Variants in ADSS1 observed in about 807,000 individuals in gnomAD.
ADSS1 encodes adenylosuccinate synthetase isozyme 1.
Under a neutral mutation model 59.1 loss-of-function variants are expected in ADSS1, and 57 were observed. The observed-to-expected ratio is 0.97, with a 90% CI of 0.78 to 1.20. The LOEUF is 1.20. ADSS1 is among the 50% of genes most tolerant of loss of function. ADSS1 has a pLI of 0.00. For synonymous variants in ADSS1, 247 were observed against 249.4 expected (o/e 0.99, Z 0.09); for missense variants, 603 against 610.3 (o/e 0.99, Z 0.13).
chr14:104,741,199 T>C lies in ADSS1; in HGVS notation c.749T>C (p.Ile250Thr). The C allele has an allele frequency of 6.2e-7, 1 of 1,611,596 alleles. No homozygotes were observed. The highest frequency in any genetic ancestry group is 8.5e-7 in the Non-Finnish European group (1 of 1,178,920). ...YEALHGPPKK[I>T]LVEGANAALL... Reference sequence around the variant, plus strand: ...GCACTCCACGGCCCCCCCAAGAAGATCCTGGTGGAGGGTGCCAACGCCGCC... The same window carrying C: ...GCACTCCACGGCCCCCCCAAGAAGACCCTGGTGGAGGGTGCCAACGCCGCC... Residue 250 changes from isoleucine (I) to threonine (T), a missense_variant, in exon 8 of 13, where the codon ATC (isoleucine) becomes ACC (threonine). Coordinates refer to ENST00000330877, the MANE Select transcript of ADSS1 (RefSeq NM_152328.5).
Position 104,735,035 on chromosome 14 carries a change from G to A in ADSS1, c.208G>A (p.Gly70Ser), listed in dbSNP as rs778086673. 11 of 1,613,054 alleles carry A rather than the reference G, an allele frequency of 6.8e-6. No homozygotes were observed. The highest frequency in any genetic ancestry group is 2.2e-5 in the East Asian group (1 of 44,826). The change falls in exon 2 of 13, where the codon GGC (glycine) becomes AGC (serine). Residue 70 changes from glycine (G) to serine (S), a missense_variant. By Grantham distance (56) the Gly-to-Ser change is moderately conservative. Transcript: ENST00000330877. The stretch of plus-strand genomic sequence containing the variant: ...TCTGTTCCAGGGGGGCAACAACGCC[G>A]GCCACACGGTGGTGGTGGATGGGAA... Reference protein sequence around the residue: ...ISRCQGGNNAGHTVVVDGKEY... With the variant: ...ISRCQGGNNASHTVVVDGKEY...
intron 9 of ADSS1, 57 bp downstream of exon 9, chr14:104,742,059 C>A: frequency 6.3e-7 from 1 of 1,595,286 alleles, no homozygotes; most frequent in Non-Finnish European, 8.5e-7. Context: ...GGCAGGGGTG[C>A]CGGGGGTGGG....
chr14:104,724,508 C>T (rs767210336), intron 1 of ADSS1, 46 bp downstream of exon 1: 4 of 1,227,840 alleles, frequency 3.3e-6, no homozygotes, highest in Non-Finnish European at 3.0e-6. Flanking sequence ...CCAGCGAGCC[C>T]CCCTCCCCCG....
At chr14:104,724,850 C>A (rs1890674372) in intron 1 of ADSS1, among the ~76,000 whole-genome samples, 1 of 152,210 alleles carries the variant, frequency 6.6e-6, no homozygotes, top group South Asian at 2.1e-4. Flanking sequence ...AAGACACCCC[C>A]CTTCCTCATT....
rs182475929 is a variant in ADSS1, at chr14:104,744,478, G to A, written c.1074-334G>A. 6.7e-4 allele frequency: 156 copies of A among 231,114 alleles called. 1 individual carries two copies. The highest frequency in any genetic ancestry group is 3.2e-3 in the African/African-American group (141 of 44,352). 14.3% of individuals were successfully genotyped at this position (231,114 alleles called of 1,614,324 possible). On this transcript the variant is annotated intron_variant, in intron 10 of 12. Coordinates refer to ENST00000330877, the MANE Select transcript of ADSS1 (RefSeq NM_152328.5). ...CAGGGGTGTGGCGGCGGATGGTTTCGGGATGAAACTGTCCCACCTCTGATC... is the reference window on the plus strand; with the variant it reads ...CAGGGGTGTGGCGGCGGATGGTTTCAGGATGAAACTGTCCCACCTCTGATC...
chr14:104,739,624 C>T, intron 4 of ADSS1, 126 bp from the exon 5 acceptor site: 6 of 1,132,268 alleles, frequency 5.3e-6, no homozygotes, highest in Non-Finnish European at 7.7e-6. Context: ...CCAGTTTGTC[C>T]TCTTTGAAAT....
In ADSS1 at chr14:104,735,078, T is replaced by C. The variant is rs764178731; in HGVS notation, c.251T>C (p.Leu84Pro). ...VVDGKEYDFH[L>P]LPSGIINTKA... ...GATGGGAAAGAGTACGACTTCCACC[T>C]GCTGCCCAGCGGCATCATCAACACC... Residue 84 changes from leucine (L) to proline (P), a missense_variant, in exon 2 of 13, where the codon CTG becomes CCG. Leu to Pro is a moderately conservative substitution (Grantham distance 98). Coordinates refer to ENST00000330877, the MANE Select transcript of ADSS1 (RefSeq NM_152328.5). The C allele has an allele frequency of 5.6e-6, 9 of 1,613,424 alleles. No individual in the cohort carries two copies. In the East Asian group the frequency reaches 1.8e-4, roughly 32 times the overall value.
chr14:104,740,761 G>A lies in ADSS1; in HGVS notation c.584+53G>A. On this transcript the variant is annotated intron_variant, in intron 6 of 12. Coordinates refer to ENST00000330877, the MANE Select transcript of ADSS1 (RefSeq NM_152328.5). This position sits in a 1 kb window ranked among gnomAD's most constrained non-coding sequence, Gnocchi z 4.8. The stretch of plus-strand genomic sequence containing the variant: ...GAGGATGGGGAGAAGTTGCCGGAAG[G>A]GACTGTGGCTAGTGGGGAGGGCCCT... The A allele has an allele frequency of 1.2e-6, 2 of 1,612,976 alleles. No homozygotes were observed. Among genetic ancestry groups the A allele is most frequent in the South Asian group, 2.2e-5 (2 of 91,064 alleles).
At chr14:104,734,020 A>C (rs914801877) in intron 1 of ADSS1, among the ~76,000 whole-genome samples, 5 of 152,260 alleles carry the variant, frequency 3.3e-5, no homozygotes, top group Non-Finnish European at 7.3e-5. Context: ...TTATGGTGGC[A>C]TAAAGACCAA....
In ADSS1 at chr14:104,740,836, C is replaced by G; in HGVS notation, c.585-3C>G. On this transcript the variant is annotated splice_region_variant and splice_polypyrimidine_tract_variant and intron_variant, in intron 6 of 12. Coordinates refer to ENST00000330877, the MANE Select transcript of ADSS1 (RefSeq NM_152328.5). This position sits in a 1 kb window ranked among gnomAD's most constrained non-coding sequence, Gnocchi z 4.8. ...GGGGTGATGATGACTGTCCCTTGTG[C>G]AGATTCAAGAACCTGGCCCACCAGC... 1 of 1,613,864 alleles carries G rather than the reference C, an allele frequency of 6.2e-7. No homozygotes were observed. Among genetic ancestry groups the G allele is most frequent in the Non-Finnish European group, 8.5e-7 (1 of 1,179,988 alleles).
chr14:104,743,002 A>G, intron 9 of ADSS1, 65 bp from the exon 10 acceptor site: 2 of 1,598,838 alleles, frequency 1.3e-6, no homozygotes, highest in East Asian at 2.2e-5. Context: ...GAGGGGGAGC[A>G]GCAGGGCCAG....
intron 1 of ADSS1, among the ~76,000 whole-genome samples, chr14:104,733,047 C>T (rs1404440338): frequency 6.6e-6 from 1 of 152,168 alleles, no homozygotes; most frequent in African/African-American, 2.4e-5. Flanking sequence ...AGAGCCCTGC[C>T]CATCCGCCCA....
intron 10 of ADSS1, 37 bp downstream of exon 10, chr14:104,743,228 C>A (rs758822489): frequency 6.2e-7 from 1 of 1,601,294 alleles, no homozygotes; most frequent in Non-Finnish European, 8.5e-7. Context: ...CTGGGACCGT[C>A]CCTGACTCCC....
intron 11 of ADSS1, 84 bp from the exon 12 acceptor site, chr14:104,746,152 G>A (rs1459961095): frequency 1.3e-6 from 2 of 1,511,278 alleles, no homozygotes; most frequent in South Asian, 1.3e-5. Context: ...GGCCCTGGAT[G>A]GGGGTGGCCG....
chr14:104,734,057 G>A (rs568595060), intron 1 of ADSS1, among the ~76,000 whole-genome samples: 5 of 152,366 alleles, frequency 3.3e-5, no homozygotes, highest in Non-Finnish European at 5.9e-5. Context: ...ATCCCTTGCC[G>A]TTGGTGGGGG....
chr14:104,737,159 C>G (rs1891167336), intron 2 of ADSS1: 1 of 152,060 alleles, frequency 6.6e-6, no homozygotes, highest in Admixed American at 6.5e-5. Context: ...CCAGTCTGGA[C>G]AAACGTATGC....
intron 1 of ADSS1, among the ~76,000 whole-genome samples, chr14:104,726,767 G>A (rs980804731): frequency 6.6e-6 from 1 of 152,236 alleles, no homozygotes; most frequent in East Asian, 1.9e-4. Context: ...GAGTGGTCCA[G>A]GTGGTCAAAG....
intron 9 of ADSS1, 104 bp downstream of exon 9, chr14:104,742,106 C>G: frequency 6.9e-7 from 1 of 1,454,998 alleles, no homozygotes; most frequent in Non-Finnish European, 9.3e-7. Flanking sequence ...GCGGACCTTG[C>G]CAGTGCCATC....
At chr14:104,735,679 G>T (rs901035183) in intron 2 of ADSS1, among the ~76,000 whole-genome samples, 2 of 152,070 alleles carry the variant, frequency 1.3e-5, no homozygotes, top group Non-Finnish European at 2.9e-5. Flanking sequence ...CTTCCACATC[G>T]CCTGCCCCCT....
Sources: gnomAD v4.1 joint callset for allele counts (sites outside exome capture counted in the v4.1 genomes callset) on GRCh38, gnomAD v4.1.1 for gene constraint, Gnocchi (gnomAD v3.1) non-coding constraint, MANE v1.5 for transcripts, NCBI Gene and HGNC (gene_info 2026-07-23, HGNC 2026-07-21) for gene names.